Variants in PLEKHA5 observed in about 807,000 individuals in gnomAD.
The protein encoded by PLEKHA5 is pleckstrin homology domain containing A5, also known as pleckstrin homology domain-containing family A member 5.
A neutral mutation model predicts 181.9 loss-of-function variants in PLEKHA5; 55 were observed. That is an observed-to-expected ratio of 0.30 (90% CI 0.24 to 0.38). The LOEUF is 0.38. Ranked by LOEUF, PLEKHA5 falls within the 10% of genes least tolerant of loss-of-function variation. PLEKHA5 has a pLI of 1.00. For synonymous variants in PLEKHA5, 535 were observed against 529.4 expected, an observed-to-expected ratio of 1.01 and a Z score of -0.15; for missense variants, 1,432 against 1,549.5, an observed-to-expected ratio of 0.92 and a Z score of 1.27.
chr12:19,152,901 T>C (rs186174059), intron 3 of PLEKHA5: 124 of 152,244 alleles, frequency 8.1e-4, no homozygotes, highest in African/African-American at 2.9e-3. Flanking sequence ...CTCTCCTACA[T>C]TGTAGCTTAC....
At chr12:19,281,765 G>GTTT (rs1306509819) in intron 11 of PLEKHA5, among the ~76,000 whole-genome samples, 1 of 86,752 alleles carries the variant, frequency 1.2e-5, no homozygotes, top group Admixed American at 1.4e-4. Flanking sequence ...TATCAAAGTG[G>GTTT]TTTTTGTTGT....
At position 19,320,023 on chromosome 12, in the gene PLEKHA5, C is replaced by A; in HGVS notation, c.2121C>A (p.Phe707Leu). 1.5e-6 allele frequency: 2 copies of A among 1,334,200 alleles called. No individual in the cohort carries two copies. Among genetic ancestry groups the A allele is most frequent in the Non-Finnish European group, 1.0e-6 (1 of 976,316 alleles). The allele number at this position is 1,334,200 out of a possible 1,614,324, so 82.6% of individuals were successfully genotyped here. A position where few individuals can be genotyped will look rare whatever the true frequency, so the allele number is the denominator to read the frequency against. The change falls in exon 17 of 32, where the codon TTC becomes TTA. Residue 707 changes from phenylalanine to leucine, a missense_variant and splice_region_variant. This residue lies in a region of PLEKHA5 where 1,143 missense variants were observed against 1,168.4 expected (regional missense o/e 0.98). Coordinates refer to ENST00000429027, the MANE Select transcript of PLEKHA5 (RefSeq NM_001256470.2). ...SALRPQLYQQ[F>L]LRQKSKISLY... ...CCTTTTCCTTCATTATCTTTTAGTTCTTAAGACAGAAGAGCAAGATAAGTC... is the reference window on the plus strand; with the variant it reads ...CCTTTTCCTTCATTATCTTTTAGTTATTAAGACAGAAGAGCAAGATAAGTC...
chr12:19,333,520 C>T (rs1285356169), intron 20 of PLEKHA5, among the ~76,000 whole-genome samples: 4 of 151,718 alleles, frequency 2.6e-5, no homozygotes, highest in Non-Finnish European at 5.9e-5. Flanking sequence ...ACCCGGGAGG[C>T]AGAGGTTGCA....
chr12:19,306,549 G>C, intron 15 of PLEKHA5: 1 of 758,034 alleles, frequency 1.3e-6, no homozygotes, highest in South Asian at 1.3e-5. Flanking sequence ...AGCGCCGTGA[G>C]CAACACTACC....
chr12:19,205,290 G>T, intron 3 of PLEKHA5: 3 of 643,172 alleles, frequency 4.7e-6, no homozygotes, highest in Non-Finnish European at 5.8e-6. Context: ...TGGAGACTGC[G>T]GTGTGGTTCA....
chr12:19,238,518 A>T (rs1565502594), intron 3 of PLEKHA5, among the ~76,000 whole-genome samples: 1 of 152,134 alleles, frequency 6.6e-6, no homozygotes, highest in Non-Finnish European at 1.5e-5. Context: ...TCAGATTCCA[A>T]CTAAGATTCT....
At chr12:19,292,845 A>G (rs1457788066) in intron 15 of PLEKHA5, among the ~76,000 whole-genome samples, 1 of 152,146 alleles carries the variant, frequency 6.6e-6, no homozygotes, top group Non-Finnish European at 1.5e-5. Flanking sequence ...AGGCTGAGGC[A>G]GGAGAATCAC....
intron 8 of PLEKHA5, among the ~76,000 whole-genome samples, chr12:19,266,344 C>G (rs538213039): frequency 1.3e-5 from 2 of 151,518 alleles, no homozygotes; most frequent in East Asian, 2.0e-4. Context: ...AAAAAACATA[C>G]TAGCCGGGCA....
intron 3 of PLEKHA5, among the ~76,000 whole-genome samples, chr12:19,239,429 A>G (rs1260224442): frequency 6.6e-6 from 1 of 152,088 alleles, no homozygotes; most frequent in Non-Finnish European, 1.5e-5. Context: ...GCTATTCTGG[A>G]TTGAATTTCT....
At chr12:19,228,631 TC>T (rs747626260) in intron 3 of PLEKHA5, among the ~76,000 whole-genome samples, 24 of 152,216 alleles carry the variant, frequency 1.6e-4, no homozygotes, top group Non-Finnish European at 3.4e-4. Flanking sequence ...ACAATAGTTT[TC>T]CTCAGACCTG....
chr12:19,251,758 A>C (rs528686894), intron 3 of PLEKHA5, among the ~76,000 whole-genome samples: 43 of 151,370 alleles, frequency 2.8e-4, no homozygotes, highest in Non-Finnish European at 5.0e-4. Flanking sequence ...AAAAAAAAAA[A>C]AAAAACTTGT....
At chr12:19,164,196 T>C (rs2043702744) in intron 3 of PLEKHA5, among the ~76,000 whole-genome samples, 1 of 125,268 alleles carries the variant, frequency 8.0e-6, no homozygotes, top group African/African-American at 2.9e-5. Context: ...CAGATGTTTT[T>C]GTTTTTTTTT....
Position 19,253,930 on chromosome 12 carries a change from C to T in PLEKHA5, c.228-10C>T, listed in dbSNP as rs760669541. 7.6e-5 allele frequency: 117 copies of T among 1,536,458 alleles called. No homozygotes were observed. In the Admixed American group the frequency reaches 1.1e-3, roughly 14 times the overall value. On this transcript the variant is annotated splice_polypyrimidine_tract_variant and intron_variant, in intron 3 of 31. Transcript: ENST00000429027. Reference sequence around the variant, plus strand: ...CTGCATGTTCTGTTTTTCTTTTTTCCTTTTTTCAGCCATAATGAAAGGAAA... The same window carrying T: ...CTGCATGTTCTGTTTTTCTTTTTTCTTTTTTTCAGCCATAATGAAAGGAAA...
intron 3 of PLEKHA5, among the ~76,000 whole-genome samples, chr12:19,145,413 T>C (rs768462028): frequency 6.6e-6 from 1 of 152,168 alleles, no homozygotes; most frequent in Non-Finnish European, 1.5e-5. Flanking sequence ...CATACTCTGC[T>C]CCCCAAGAAG....
intron 3 of PLEKHA5, among the ~76,000 whole-genome samples, chr12:19,155,738 C>G (rs1169856012): frequency 3.3e-5 from 5 of 152,176 alleles, no homozygotes; most frequent in Non-Finnish European, 7.3e-5. Context: ...ATGTTTTTCT[C>G]ATAATCCTCA....
chr12:19,370,100 A>G (rs1376402771), intron 31 of PLEKHA5, among the ~76,000 whole-genome samples: 2 of 152,234 alleles, frequency 1.3e-5, no homozygotes, highest in East Asian at 1.9e-4. Flanking sequence ...CTTCTACTTA[A>G]TGTTCCTTTC....
At chr12:19,170,194 C>T (rs990498376) in intron 3 of PLEKHA5, among the ~76,000 whole-genome samples, 3 of 152,040 alleles carry the variant, frequency 2.0e-5, no homozygotes, top group Non-Finnish European at 4.4e-5. Flanking sequence ...TATTTTCATT[C>T]GTTGATAAAA....
intron 20 of PLEKHA5, among the ~76,000 whole-genome samples, chr12:19,326,102 T>G (rs2092037624): frequency 6.6e-6 from 1 of 152,196 alleles, no homozygotes; most frequent in South Asian, 2.1e-4. Flanking sequence ...GGTTTTTGTC[T>G]TATGTAATCA....
intron 3 of PLEKHA5, among the ~76,000 whole-genome samples, chr12:19,169,639 A>G (rs2045430247): frequency 6.6e-6 from 1 of 152,242 alleles, no homozygotes; most frequent in African/African-American, 2.4e-5. Context: ...ATGTGATTGG[A>G]AGAACCCATA....
Sources: gnomAD v4.1 joint callset for allele counts (sites outside exome capture counted in the v4.1 genomes callset) on GRCh38, gnomAD v4.1.1 for gene constraint, gnomAD v4.1.1 regional missense constraint, MANE v1.5 for transcripts, NCBI Gene and HGNC (gene_info 2026-07-23, HGNC 2026-07-21) for gene names.